Variants in SOX5 observed in about 807,000 individuals in gnomAD.
SOX5 encodes SRY-box transcription factor 5.
A neutral mutation model predicts 92.0 loss-of-function variants in SOX5; 9 were observed. The ratio of observed to expected loss-of-function variants is 0.10; its 90% confidence interval spans 0.06 to 0.17. The LOEUF is 0.17. Ranked by LOEUF, SOX5 falls within the 10% of genes least tolerant of loss-of-function variation. The pLI, the probability that SOX5 is intolerant of heterozygous loss-of-function variation, is 1.00. For missense variants in SOX5, 642 were observed against 944.5 expected (o/e 0.68, Z 4.20); for synonymous variants, 344 against 336.3 (o/e 1.02, Z -0.25).
chr12:23,659,961 AAAATGAAAAAAAG>A (rs1260242777), intron 7 of SOX5, among the ~76,000 whole-genome samples: 1 of 152,182 alleles, frequency 6.6e-6, no homozygotes, highest in Non-Finnish European at 1.5e-5. Context: ...CTGCCTCCAA[AAAATGAAAAAAAG>A]AAAAGAAAAA....
chr12:24,460,261 C>A (rs1169113058), intron 1 of SOX5, among the ~76,000 whole-genome samples: 2 of 152,216 alleles, frequency 1.3e-5, no homozygotes, highest in Admixed American at 1.3e-4. Flanking sequence ...AAGGCTGTCT[C>A]TCTTACCACT....
chr12:23,705,528 C>A (rs1355671326), intron 6 of SOX5, among the ~76,000 whole-genome samples: 2 of 151,916 alleles, frequency 1.3e-5, no homozygotes, highest in African/African-American at 4.8e-5. Flanking sequence ...GTCTTCTCAA[C>A]CTGACTGTAA....
rs566935394 is a variant in SOX5 at position 24,116,777 on chromosome 12, C to T, written c.-2+96566G>A. Among the ~76,000 whole-genome samples the T allele has an allele frequency of 4.7e-4, 71 of 152,174 alleles. No individual in the cohort carries two copies. In the Middle Eastern group the frequency reaches 0.01, roughly 22 times the overall value. On this transcript the variant is annotated intron_variant, in intron 4 of 4. Coordinates refer to the SOX5 transcript ENST00000446891. ...GGCTTATGGATGTAGTAAGGTACTG[C>T]TGCTCTGTATTGTTTAATTTTTCAA...
intron 3 of SOX5, among the ~76,000 whole-genome samples, chr12:23,825,106 T>C (rs2096204671): frequency 6.6e-6 from 1 of 152,110 alleles, no homozygotes; most frequent in Non-Finnish European, 1.5e-5. Flanking sequence ...TGAACGGTTC[T>C]GTCTCTCTGG....
intron 1 of SOX5, among the ~76,000 whole-genome samples, chr12:23,927,490 G>A (rs1240837906): frequency 8.6e-5 from 13 of 151,898 alleles, no homozygotes. Context: ...AGGGCTACAG[G>A]ATCTAAGATC....
intron 1 of SOX5, among the ~76,000 whole-genome samples, chr12:23,940,636 A>T (rs530656297): frequency 6.6e-6 from 1 of 151,280 alleles, no homozygotes; most frequent in Admixed American, 6.6e-5. Flanking sequence ...CATCTAGCTA[A>T]TAGCGCTTTG....
rs146359428 is a variant in SOX5 at position 23,730,563 on chromosome 12, C to T, written c.810+4121G>A. Reference sequence around the variant, plus strand: ...TCCTTAATGAATTAGGTGGGTCAACCTGGCAGAAGACTGTAACCCTACAAA... The same window carrying T: ...TCCTTAATGAATTAGGTGGGTCAACTTGGCAGAAGACTGTAACCCTACAAA... On this transcript the variant is annotated intron_variant, in intron 6 of 14. Transcript: ENST00000451604. Among the ~76,000 whole-genome samples the T allele has an allele frequency of 6.1e-3, 931 of 152,232 alleles. 8 individuals are homozygous for T. The highest frequency in any genetic ancestry group is 0.041 in the Middle Eastern group (12 of 294).
At chr12:24,375,175 G>A (rs1055237062) in intron 1 of SOX5, among the ~76,000 whole-genome samples, 11 of 151,396 alleles carry the variant, frequency 7.3e-5, no homozygotes, top group African/African-American at 2.7e-4. Context: ...GGGTTTCACC[G>A]TGTTAGCCAG....
intron 2 of SOX5, among the ~76,000 whole-genome samples, chr12:24,280,676 G>T (rs1054890674): frequency 2.0e-5 from 3 of 152,070 alleles, no homozygotes; most frequent in African/African-American, 7.2e-5. Flanking sequence ...ACCAGATACA[G>T]CAGGGACACA....
chr12:24,357,807 C>T (rs1048443620), intron 2 of SOX5, among the ~76,000 whole-genome samples: 1 of 148,046 alleles, frequency 6.8e-6, no homozygotes, highest in Non-Finnish European at 1.5e-5. Context: ...TGCGACTGCA[C>T]TCCAGCCTGG....
At chr12:23,900,599 G>T (rs1047188388) in intron 1 of SOX5, among the ~76,000 whole-genome samples, 1 of 152,186 alleles carries the variant, frequency 6.6e-6, no homozygotes, top group Non-Finnish European at 1.5e-5. Flanking sequence ...TCTGGAGGGT[G>T]ACCGGGTATC....
intron 4 of SOX5, among the ~76,000 whole-genome samples, chr12:24,189,013 T>C (rs1164161164): frequency 6.6e-6 from 1 of 152,204 alleles, no homozygotes; most frequent in Non-Finnish European, 1.5e-5. Context: ...AAACACTACC[T>C]ACAAGGACTG....
intron 3 of SOX5, among the ~76,000 whole-genome samples, chr12:24,224,652 T>A (rs1162230209): frequency 6.6e-6 from 1 of 152,126 alleles, no homozygotes; most frequent in Admixed American, 6.6e-5. Context: ...TCAGGAGGGT[T>A]GCATATTTAT....
At chr12:23,630,162 C>T (rs1395841582) in intron 8 of SOX5, among the ~76,000 whole-genome samples, 4 of 151,772 alleles carry the variant, frequency 2.6e-5, no homozygotes, top group Non-Finnish European at 4.4e-5. Context: ...TTATTTTAGA[C>T]TTTGTAAGAA....
At chr12:23,688,578 A>C (rs2088095407) in intron 6 of SOX5, among the ~76,000 whole-genome samples, 1 of 152,066 alleles carries the variant, frequency 6.6e-6, no homozygotes. Context: ...CCTATGCCTC[A>C]CTTACATTCT....
chr12:24,447,599 T>G (rs536871414), intron 1 of SOX5, among the ~76,000 whole-genome samples: 2 of 152,328 alleles, frequency 1.3e-5, no homozygotes, highest in East Asian at 3.9e-4. Flanking sequence ...GTTTGTGCAT[T>G]TGTTGTGCCA....
At chr12:24,445,098 G>T (rs1055395225) in intron 1 of SOX5, among the ~76,000 whole-genome samples, 2 of 152,130 alleles carry the variant, frequency 1.3e-5, no homozygotes, top group Non-Finnish European at 2.9e-5. Context: ...AATCCCCATT[G>T]TAACAGACAG....
At chr12:24,342,858 A>G (rs1952740143) in intron 2 of SOX5, among the ~76,000 whole-genome samples, 1 of 152,248 alleles carries the variant, frequency 6.6e-6, no homozygotes, top group Non-Finnish European at 1.5e-5. Flanking sequence ...AATGGTAAAT[A>G]GAAAACCTTT....
At chr12:23,796,798 G>T (rs1318785523) in intron 3 of SOX5, among the ~76,000 whole-genome samples, 3 of 149,896 alleles carry the variant, frequency 2.0e-5, no homozygotes, top group African/African-American at 7.4e-5. Flanking sequence ...TTATATAGTG[G>T]TGCGTATATA....
Sources: allele counts gnomAD v4.1 joint callset (sites outside exome capture counted in the v4.1 genomes callset), GRCh38; gene constraint gnomAD v4.1.1; transcripts MANE v1.5; gene names NCBI Gene and HGNC (gene_info 2026-07-23, HGNC 2026-07-21).